Variants in AKR1E2 observed in about 807,000 individuals in gnomAD.
AKR1E2 encodes the protein aldo-keto reductase family 1 member E2.
AKR1E2 carries 43 observed loss-of-function variants against 41.9 expected under a neutral mutation model. The observed-to-expected ratio is 1.03, with a 90% CI of 0.80 to 1.32. The LOEUF is 1.32. Among genes scored for constraint, AKR1E2 ranks in the 40% most tolerant of loss-of-function variants. AKR1E2 has a pLI of 0.00. For synonymous variants in AKR1E2, 121 were observed against 138.9 expected (o/e 0.87, Z 0.91); for missense variants, 423 against 396.5 (o/e 1.07, Z -0.57).
chr10:4,840,868 C>G (rs1833820484), intron 6 of AKR1E2, among the ~76,000 whole-genome samples: 1 of 152,180 alleles, frequency 6.6e-6, no homozygotes, highest in Non-Finnish European at 1.5e-5. Flanking sequence ...TCTTCTCAGT[C>G]CCTTCCACTA....
rs752763637 is a variant in AKR1E2 at position 4,830,837 on chromosome 10, A to T, written c.202A>T (p.Thr68Ser). Residue 68 changes from threonine to serine, a missense_variant, in exon 2 of 10, where the codon ACT becomes TCT. Thr to Ser is a moderately conservative substitution (Grantham distance 58). Coordinates refer to ENST00000298375, the MANE Select transcript of AKR1E2 (RefSeq NM_001040177.3). ...AVRREDLFIA[T>S]KLWCTCHKKS... Reference sequence around the variant, plus strand: ...AAGACGGGAGGATCTGTTCATTGCCACTAAGGTAGGGCTTCTCTATGCAAG... The same window carrying T: ...AAGACGGGAGGATCTGTTCATTGCCTCTAAGGTAGGGCTTCTCTATGCAAG... The T allele has an allele frequency of 1.2e-6, 2 of 1,614,094 alleles. No homozygotes were observed. The highest frequency in any genetic ancestry group is 4.5e-5 in the East Asian group (2 of 44,872).
Position 4,837,531 on chromosome 10 carries a change from G to A in AKR1E2, c.532G>A (p.Glu178Lys), listed in dbSNP as rs1485148619. The A allele has an allele frequency of 6.2e-7, 1 of 1,614,140 alleles. No homozygotes were observed. The highest frequency in any genetic ancestry group is 1.1e-5 in the South Asian group (1 of 91,082). Residue 178 changes from glutamate (E) to lysine (K), a missense_variant, in exon 5 of 10, where the codon GAG (glutamate) becomes AAG (lysine). By Grantham distance (56) the Glu-to-Lys change is moderately conservative. Transcript: ENST00000298375. ...GTCAAACTTCAACCATGAACAGCTT[G>A]AGAGGCTTTTGAATAAGCCTGGGTT... ...GVSNFNHEQL[E>K]RLLNKPGLRF... is the part of the protein sequence containing the mutation.
At chr10:4,857,773 T>C in the AKR1E2 span, among the ~76,000 whole-genome samples, 4 of 152,206 alleles carry the variant, frequency 2.6e-5, no homozygotes, top group African/African-American at 9.6e-5. Flanking sequence ...CTAGGTTATC[T>C]AACTTGCTGG....
chr10:4,862,324 G>T, the AKR1E2 span, among the ~76,000 whole-genome samples: 2 of 152,164 alleles, frequency 1.3e-5, no homozygotes, highest in African/African-American at 4.8e-5. Flanking sequence ...TGCTGTTTTG[G>T]TTACTGTAGC....
intron 1 of AKR1E2, 148 bp downstream of exon 1, chr10:4,826,511 G>GCCGCCCA (rs1191898956): frequency 2.9e-6 from 2 of 681,908 alleles, no homozygotes; most frequent in Non-Finnish European, 2.1e-6. Context: ...TGCTGAGGTG[G>GCCGCCCA]CCGCCCACCG....
At chr10:4,847,395 TG>T in intron 9 of AKR1E2, 92 bp from the exon 10 acceptor site, 1 of 1,536,338 alleles carries the variant, frequency 6.5e-7, no homozygotes, top group East Asian at 2.3e-5. Context: ...TTTCATGCAC[TG>T]GGGAGTTTAA....
rs748501996 is a variant in AKR1E2, at chr10:4,845,947, C to G, written c.838-1201C>G. On this transcript the variant is annotated intron_variant, in intron 8 of 9. Transcript: ENST00000298375. ...TATGCTGTCAGGAGGAGGTGGGAGCCAGGTCCACAAGACTCACCAGGGAGG... is the reference window on the plus strand; with the variant it reads ...TATGCTGTCAGGAGGAGGTGGGAGCGAGGTCCACAAGACTCACCAGGGAGG... 28 of 446,342 alleles carry G rather than the reference C, an allele frequency of 6.3e-5. 1 individual carries two copies. Among genetic ancestry groups the G allele is most frequent in the Non-Finnish European group, 7.2e-5 (16 of 221,150 alleles). The allele number at this position is 446,342 out of a possible 1,614,324, so 27.6% of individuals were successfully genotyped here.
intron 3 of AKR1E2, 134 bp from the exon 4 acceptor site, chr10:4,835,541 C>T: frequency 8.8e-7 from 1 of 1,135,930 alleles, no homozygotes; most frequent in Non-Finnish European, 1.2e-6. Flanking sequence ...AAGGTGAAGA[C>T]TGGGCCTGGT....
At chr10:4,847,386 T>G in intron 9 of AKR1E2, 102 bp from the exon 10 acceptor site, 1 of 1,531,516 alleles carries the variant, frequency 6.5e-7, no homozygotes, top group Non-Finnish European at 8.9e-7. Context: ...TGAAGCTAAT[T>G]TCATGCACTG....
chr10:4,842,355 T>C (rs1277283728), intron 7 of AKR1E2, 66 bp from the exon 8 acceptor site: 2 of 1,440,132 alleles, frequency 1.4e-6, no homozygotes, highest in African/African-American at 1.4e-5. Flanking sequence ...ACTCACATGT[T>C]AGAAAATAAC....
intron 3 of AKR1E2, among the ~76,000 whole-genome samples, chr10:4,833,954 T>C (rs1317715239): frequency 1.3e-5 from 2 of 152,224 alleles, no homozygotes; most frequent in Non-Finnish European, 2.9e-5. Context: ...GGTTTTATTC[T>C]CTTAATTGCT....
chr10:4,866,941 C>T, the AKR1E2 span, among the ~76,000 whole-genome samples: 2 of 152,150 alleles, frequency 1.3e-5, no homozygotes, highest in Admixed American at 6.5e-5. Context: ...TACCCAGGCA[C>T]TTAGGAGCAG....
intron 6 of AKR1E2, among the ~76,000 whole-genome samples, 160 bp from the exon 7 acceptor site, chr10:4,841,625 T>G (rs1423570840): frequency 6.6e-6 from 1 of 152,226 alleles, no homozygotes; most frequent in Admixed American, 6.5e-5. Context: ...ACTGGAAATG[T>G]GGGGCGATGT....
At chr10:4,864,767 G>T in the AKR1E2 span, among the ~76,000 whole-genome samples, 95,418 of 152,010 alleles carry the variant, frequency 0.63, 31,544 homozygotes, top group East Asian at 0.8. Flanking sequence ...AAAGTCTCAG[G>T]ATACAAAATC....
Position 4,847,801 on chromosome 10 carries a change from T to A in AKR1E2, c.*271T>A. The A allele has an allele frequency of 2.1e-6, 1 of 470,192 alleles. No individual in the cohort carries two copies. The highest frequency in any genetic ancestry group is 3.7e-6 in the Non-Finnish European group (1 of 267,846). The allele number at this position is 470,192 out of a possible 1,614,324, so 29.1% of individuals were successfully genotyped here. On this transcript the variant is annotated 3_prime_UTR_variant, in exon 10 of 10. Transcript: ENST00000298375. ...TCATCAGTGAAATTTGCCTTCACAT[T>A]TTAAGAAAACTTTATCTTATGGAGT... is the stretch of plus-strand genomic sequence containing the variant.
chr10:4,827,907 G>T (rs905595605), intron 1 of AKR1E2, among the ~76,000 whole-genome samples: 1 of 152,060 alleles, frequency 6.6e-6, no homozygotes, highest in African/African-American at 2.4e-5. Context: ...CCAGACTTTC[G>T]TGCACACAGG....
intron 8 of AKR1E2, among the ~76,000 whole-genome samples, chr10:4,846,833 C>T (rs111807634): frequency 0.035 from 5,306 of 152,248 alleles, 148 homozygotes; most frequent in East Asian, 0.11. Flanking sequence ...CGTGAACCAC[C>T]GCGCCCAGCC....
the AKR1E2 span, among the ~76,000 whole-genome samples, chr10:4,860,575 A>G: frequency 6.6e-6 from 1 of 152,224 alleles, no homozygotes; most frequent in African/African-American, 2.4e-5. Flanking sequence ...TTGCATAGAA[A>G]TATATCCATG....
chr10:4,856,328 G>A, the AKR1E2 span, among the ~76,000 whole-genome samples: 4 of 152,150 alleles, frequency 2.6e-5, no homozygotes, highest in Non-Finnish European at 5.9e-5. Context: ...AGTTAAAGGG[G>A]TATTATCTAG....
Sources: allele counts gnomAD v4.1 joint callset (sites outside exome capture counted in the v4.1 genomes callset), GRCh38; gene constraint gnomAD v4.1.1; transcripts MANE v1.5; gene names NCBI Gene and HGNC (gene_info 2026-07-23, HGNC 2026-07-21).